The following PCSK5 variants were observed in gnomAD, a reference collection of about 807,000 sequenced individuals.
The protein encoded by PCSK5 is prohormone convertase 5.
A neutral mutation model predicts 233.2 loss-of-function variants in PCSK5; 129 were observed. That is an observed-to-expected ratio of 0.55 (90% CI 0.48 to 0.64). The LOEUF is 0.64. Among genes scored for constraint, PCSK5 ranks in the 30% least tolerant of loss-of-function variants. The pLI is 0.00. For synonymous variants in PCSK5, 825 were observed against 879.2 expected, an observed-to-expected ratio of 0.94 and a Z score of 1.09; for missense variants, 2,076 against 2,430.1, an observed-to-expected ratio of 0.85 and a Z score of 3.06.
At chr9:75,999,313 G>A (rs759757281) in intron 3 of PCSK5, among the ~76,000 whole-genome samples, 7 of 151,972 alleles carry the variant, frequency 4.6e-5, no homozygotes, top group Non-Finnish European at 7.4e-5. Flanking sequence ...CTAACCCAGC[G>A]GGGCTAGAGG....
intron 5 of PCSK5, among the ~76,000 whole-genome samples, chr9:76,064,535 G>A (rs866596201): frequency 1.3e-5 from 2 of 150,286 alleles, no homozygotes; most frequent in East Asian, 2.0e-4. Context: ...CCTCCCGGAC[G>A]GGGTGGCTGC....
At chr9:76,024,198 CTT>C (rs1368146034) in intron 4 of PCSK5, among the ~76,000 whole-genome samples, 2 of 152,178 alleles carry the variant, frequency 1.3e-5, no homozygotes, top group East Asian at 1.9e-4. Context: ...AGGCAGTACT[CTT>C]TGTTTCTTTT....
At chr9:76,354,989 G>C (rs867952843) in intron 37 of PCSK5, among the ~76,000 whole-genome samples, 21 of 152,118 alleles carry the variant, frequency 1.4e-4, no homozygotes, top group Admixed American at 1.3e-3. Flanking sequence ...ATGAAAGTCA[G>C]CCCAAACCTA....
At chr9:75,898,323 C>T (rs576516384) in intron 1 of PCSK5, among the ~76,000 whole-genome samples, 1 of 152,284 alleles carries the variant, frequency 6.6e-6, no homozygotes, top group South Asian at 2.1e-4. Context: ...AGCTGAAAAG[C>T]CAGAGGTAGT....
At chr9:75,968,360 GGTAA>G (rs1825683877) in intron 2 of PCSK5, among the ~76,000 whole-genome samples, 1 of 152,192 alleles carries the variant, frequency 6.6e-6, no homozygotes, top group Non-Finnish European at 1.5e-5. Context: ...CGCGTTAACA[GGTAA>G]GTTAATTTAT....
At chr9:76,289,500 C>CTCAACAT (rs1221666152) in intron 24 of PCSK5, among the ~76,000 whole-genome samples, 1 of 120,952 alleles carries the variant, frequency 8.3e-6, no homozygotes, top group African/African-American at 3.3e-5. Context: ...CACACACACA[C>CTCAACAT]ACACACACAC....
intron 1 of PCSK5, among the ~76,000 whole-genome samples, chr9:75,902,002 G>A (rs2131201506): frequency 6.6e-6 from 1 of 152,108 alleles, no homozygotes; most frequent in South Asian, 2.1e-4. Context: ...GATTACCTGA[G>A]GTCAGGAGTT....
At chr9:76,206,256 G>A (rs920607669) in intron 20 of PCSK5, among the ~76,000 whole-genome samples, 1 of 152,202 alleles carries the variant, frequency 6.6e-6, no homozygotes, top group Non-Finnish European at 1.5e-5. Context: ...TCTTAGTAAT[G>A]ATACTAGAAA....
intron 24 of PCSK5, among the ~76,000 whole-genome samples, chr9:76,262,249 CTT>C (rs1199880867): frequency 6.6e-6 from 1 of 152,108 alleles, no homozygotes. Flanking sequence ...CTACCAATGA[CTT>C]TCTTCACAGA....
At chr9:75,987,305 A>T (rs1375577843) in intron 3 of PCSK5, among the ~76,000 whole-genome samples, 1 of 151,680 alleles carries the variant, frequency 6.6e-6, no homozygotes, top group Non-Finnish European at 1.5e-5. Flanking sequence ...ATCTTTTGTC[A>T]TTTTCCCTCC....
At chr9:76,074,436 A>T (rs1830576257) in intron 7 of PCSK5, among the ~76,000 whole-genome samples, 2 of 152,234 alleles carry the variant, frequency 1.3e-5, no homozygotes, top group South Asian at 4.1e-4. Context: ...TATCAATAAG[A>T]ACAGATTGTT....
chr9:76,130,436 C>A (rs1313261189), intron 9 of PCSK5, among the ~76,000 whole-genome samples: 1 of 152,132 alleles, frequency 6.6e-6, no homozygotes, highest in African/African-American at 2.4e-5. Flanking sequence ...GTCCAGCTGG[C>A]TTGAATTCTA....
chr9:76,213,187 C>G (rs540384236), intron 20 of PCSK5, among the ~76,000 whole-genome samples: 1 of 152,342 alleles, frequency 6.6e-6, no homozygotes, highest in Non-Finnish European at 1.5e-5. Context: ...CCATAAATAT[C>G]ATTCTTTTTG....
intron 23 of PCSK5, among the ~76,000 whole-genome samples, chr9:76,239,420 T>A (rs764214414): frequency 9.2e-5 from 14 of 152,058 alleles, no homozygotes; most frequent in Non-Finnish European, 1.9e-4. Flanking sequence ...ATTGGCCAGG[T>A]GCAGTGGCTC....
chr9:76,100,338 TTATA>T (rs1279411121), intron 8 of PCSK5, among the ~76,000 whole-genome samples: 2 of 152,274 alleles, frequency 1.3e-5, no homozygotes, highest in Non-Finnish European at 2.9e-5. Flanking sequence ...TGTAATACAT[TTATA>T]TATTAACATG....
chr9:76,064,517 C>G (rs560571311), intron 5 of PCSK5, among the ~76,000 whole-genome samples: 4 of 150,296 alleles, frequency 2.7e-5, no homozygotes, highest in Admixed American at 2.0e-4. Context: ...CTGAACCCCC[C>G]CAACCTCCCT....
intron 1 of PCSK5, among the ~76,000 whole-genome samples, chr9:75,906,218 CT>C (rs1057026099): frequency 9.2e-5 from 14 of 152,070 alleles, no homozygotes; most frequent in Non-Finnish European, 1.5e-4. Flanking sequence ...AGGAGGAACA[CT>C]TGAGCAGATA....
intron 2 of PCSK5, among the ~76,000 whole-genome samples, chr9:75,955,418 T>G (rs55634036): frequency 0.022 from 3,336 of 152,298 alleles, 56 homozygotes; most frequent in Non-Finnish European, 0.031. Flanking sequence ...TTTGTAGTCA[T>G]TTTTGAAATG....
intron 21 of PCSK5, among the ~76,000 whole-genome samples, chr9:76,229,257 A>T (rs753358687): frequency 5.9e-5 from 9 of 152,222 alleles, no homozygotes; most frequent in Non-Finnish European, 2.9e-5. Context: ...CCATACCAAC[A>T]ATCAAATGCC....
Sources: gnomAD v4.1 joint callset for allele counts (sites outside exome capture counted in the v4.1 genomes callset) on GRCh38, gnomAD v4.1.1 for gene constraint, MANE v1.5 for transcripts, NCBI Gene and HGNC (gene_info 2026-07-23, HGNC 2026-07-21) for gene names.